Variants in PDE11A observed in about 807,000 individuals in gnomAD.
PDE11A encodes the protein dual 3',5'-cyclic-AMP and -GMP phosphodiesterase 11A.
A neutral mutation model predicts 100.5 loss-of-function variants in PDE11A; 100 were observed. The observed-to-expected ratio is 1.00, with a 90% CI of 0.85 to 1.18. PDE11A has a LOEUF of 1.18. PDE11A is among the 50% of genes most tolerant of loss of function. PDE11A has a pLI of 0.00. For synonymous variants in PDE11A, 381 were observed against 420.8 expected (o/e 0.91, Z 1.16); for missense variants, 1,141 against 1,152.6 (o/e 0.99, Z 0.15).
intron 2 of PDE11A, among the ~76,000 whole-genome samples, chr2:177,981,165 G>A (rs542034419): frequency 6.6e-6 from 1 of 150,832 alleles, no homozygotes; most frequent in African/African-American, 2.4e-5. Flanking sequence ...TAGCCTTCCT[G>A]AGATTGGTCC....
intron 1 of PDE11A, chr2:178,018,232 G>C (rs2086363779): frequency 2.5e-6 from 1 of 407,106 alleles, no homozygotes; most frequent in Non-Finnish European, 4.8e-6. Flanking sequence ...GCTTCCAGCT[G>C]CTGCTTTGAA....
chr2:177,933,212 T>C (rs2085230754), intron 2 of PDE11A, among the ~76,000 whole-genome samples: 1 of 152,186 alleles, frequency 6.6e-6, no homozygotes, highest in African/African-American at 2.4e-5. Flanking sequence ...TCCATGCTCA[T>C]TGATTGGAAT....
chr2:177,987,654 T>C (rs1331121236), intron 2 of PDE11A, among the ~76,000 whole-genome samples: 1 of 152,226 alleles, frequency 6.6e-6, no homozygotes, highest in African/African-American at 2.4e-5. Flanking sequence ...TCTAGAATTA[T>C]TTTGTTCAGA....
At chr2:178,020,841 A>G in intron 1 of PDE11A, among the ~76,000 whole-genome samples, 1 of 152,106 alleles carries the variant, frequency 6.6e-6, no homozygotes. Flanking sequence ...TACATGTGGT[A>G]AGTATTAATC....
At chr2:177,919,866 G>A (rs2085015058) in intron 2 of PDE11A, among the ~76,000 whole-genome samples, 1 of 152,010 alleles carries the variant, frequency 6.6e-6, no homozygotes, top group Non-Finnish European at 1.5e-5. Context: ...GAAATAAGAG[G>A]AACCAATTGT....
chr2:177,887,262 A>G (rs1159205629), intron 4 of PDE11A, among the ~76,000 whole-genome samples: 4 of 152,172 alleles, frequency 2.6e-5, no homozygotes, highest in Non-Finnish European at 5.9e-5. Flanking sequence ...AATTAATACA[A>G]ACAACTAAAT....
chr2:178,083,169 A>C (rs2087308479), intron 2 of PDE11A, among the ~76,000 whole-genome samples: 1 of 147,960 alleles, frequency 6.8e-6, no homozygotes, highest in Non-Finnish European at 1.5e-5. Context: ...GCGCAATCTC[A>C]GCTCACTGCA....
chr2:177,955,842 A>G (rs558572797), intron 2 of PDE11A, among the ~76,000 whole-genome samples: 2 of 152,336 alleles, frequency 1.3e-5, no homozygotes, highest in Non-Finnish European at 2.9e-5. Context: ...GGTGCTGGGA[A>G]AACTGGCTAG....
chr2:177,652,543 T>A (rs77014829), intron 19 of PDE11A, among the ~76,000 whole-genome samples: 8,378 of 152,162 alleles, frequency 0.055, 325 homozygotes, highest in East Asian at 0.18. Context: ...TGAAGGACTT[T>A]AAACAGGTGA....
At chr2:177,896,813 G>A (rs2084619501) in intron 4 of PDE11A, among the ~76,000 whole-genome samples, 1 of 152,114 alleles carries the variant, frequency 6.6e-6, no homozygotes. Flanking sequence ...CACTCCATAA[G>A]TATGGCCTAT....
intron 13 of PDE11A, among the ~76,000 whole-genome samples, chr2:177,704,370 A>T (rs2081247595): frequency 6.6e-6 from 1 of 152,154 alleles, no homozygotes; most frequent in Non-Finnish European, 1.5e-5. Context: ...AAACCATCTA[A>T]GCAAGAATAC....
intron 2 of PDE11A, among the ~76,000 whole-genome samples, chr2:177,924,487 G>C (rs926993114): frequency 6.6e-6 from 1 of 152,180 alleles, no homozygotes; most frequent in African/African-American, 2.4e-5. Context: ...GGCCACGAGA[G>C]CTAGAGAAGG....
At chr2:177,745,142 C>T (rs982959486) in intron 10 of PDE11A, among the ~76,000 whole-genome samples, 2 of 152,180 alleles carry the variant, frequency 1.3e-5, no homozygotes, top group African/African-American at 4.8e-5. Context: ...TTCACAAATA[C>T]CTTTCCTTCT....
At chr2:178,089,887 A>G (rs2087399927) in intron 2 of PDE11A, among the ~76,000 whole-genome samples, 1 of 152,210 alleles carries the variant, frequency 6.6e-6, no homozygotes, top group Non-Finnish European at 1.5e-5. Flanking sequence ...TGAAAAACCT[A>G]GGCCCTTTCC....
chr2:177,760,528 C>T (rs1455839236), intron 10 of PDE11A, among the ~76,000 whole-genome samples: 1 of 152,078 alleles, frequency 6.6e-6, no homozygotes, highest in African/African-American at 2.4e-5. Context: ...AATGTTTTGT[C>T]AACATTTATG....
At chr2:178,081,965 A>G (rs1397653299) in intron 2 of PDE11A, among the ~76,000 whole-genome samples, 3 of 152,220 alleles carry the variant, frequency 2.0e-5, no homozygotes, top group Admixed American at 1.3e-4. Flanking sequence ...TAGATTTCCA[A>G]TTGAAGTGGG....
intron 19 of PDE11A, among the ~76,000 whole-genome samples, chr2:177,631,630 T>C (rs977929631): frequency 2.9e-5 from 4 of 136,888 alleles, no homozygotes; most frequent in African/African-American, 1.2e-4. Context: ...TATGTGTGTG[T>C]ATATATATAC....
intron 2 of PDE11A, among the ~76,000 whole-genome samples, chr2:177,988,806 A>G (rs1225334971): frequency 2.0e-5 from 3 of 152,190 alleles, no homozygotes; most frequent in Non-Finnish European, 2.9e-5. Flanking sequence ...GCAGCTGTGG[A>G]AAGCCTGGTC....
At chr2:177,997,230 G>A in intron 2 of PDE11A, 1 of 1,306,884 alleles carries the variant, frequency 7.7e-7, no homozygotes, top group Admixed American at 1.7e-5. Flanking sequence ...TTCTTCGTGT[G>A]CCCCAACCTC....
Sources: gnomAD v4.1 joint callset for allele counts (sites outside exome capture counted in the v4.1 genomes callset) on GRCh38, gnomAD v4.1.1 for gene constraint, MANE v1.5 for transcripts, NCBI Gene and HGNC (gene_info 2026-07-23, HGNC 2026-07-21) for gene names.